Variants in STK3 observed in about 807,000 individuals in gnomAD.
STK3 encodes serine/threonine-protein kinase 3.
Under a neutral mutation model 58.0 loss-of-function variants are expected in STK3, and 41 were observed. The observed-to-expected ratio is 0.71, with a 90% CI of 0.55 to 0.92. The LOEUF (loss-of-function observed/expected upper bound fraction) is 0.92. Ranked by LOEUF, STK3 falls within the 40% of genes least tolerant of loss-of-function variation. STK3 has a pLI of 0.00. For synonymous variants in STK3, 170 were observed against 191.0 expected, an observed-to-expected ratio of 0.89 and a Z score of 0.91; for missense variants, 479 against 602.7, an observed-to-expected ratio of 0.79 and a Z score of 2.15.
chr8:98,493,259 G>T (rs992014368), intron 10 of STK3, among the ~76,000 whole-genome samples: 3 of 149,864 alleles, frequency 2.0e-5, no homozygotes, highest in African/African-American at 2.5e-5. Context: ...ATCATCAAGC[G>T]TTTCATATCT....
At chr8:98,891,950 T>G (rs557371577) in intron 1 of STK3, among the ~76,000 whole-genome samples, 1 of 152,134 alleles carries the variant, frequency 6.6e-6, no homozygotes, top group Non-Finnish European at 1.5e-5. Flanking sequence ...AGTCCTAGCA[T>G]GACAAAAGAC....
chr8:98,345,605 T>G, the STK3 span, among the ~76,000 whole-genome samples: 4 of 151,982 alleles, frequency 2.6e-5, no homozygotes, highest in African/African-American at 9.7e-5. Flanking sequence ...CAGTATCTGA[T>G]GTTCACATAG....
intron 4 of STK3, among the ~76,000 whole-genome samples, chr8:98,712,644 C>T (rs200457444): frequency 1.3e-5 from 2 of 150,462 alleles, no homozygotes; most frequent in South Asian, 4.2e-4. Flanking sequence ...CAAGTCCTGA[C>T]TGACCTACAA....
At chr8:98,920,163 T>C (rs1017472680) in intron 1 of STK3, among the ~76,000 whole-genome samples, 3 of 152,168 alleles carry the variant, frequency 2.0e-5, no homozygotes, top group Non-Finnish European at 4.4e-5. Flanking sequence ...TGAGAGAACT[T>C]CAGAGGAGAG....
chr8:98,657,415 G>C (rs150088763), intron 6 of STK3, among the ~76,000 whole-genome samples: 1 of 152,170 alleles, frequency 6.6e-6, no homozygotes, highest in East Asian at 1.9e-4. Context: ...ATGTTTTCTT[G>C]CTTCTCTGAT....
At chr8:98,407,643 T>C (rs1479636503) in intron 3 of STK3, among the ~76,000 whole-genome samples, 2 of 152,250 alleles carry the variant, frequency 1.3e-5, no homozygotes, top group East Asian at 3.9e-4. Flanking sequence ...GGAAGAGCTG[T>C]CTTCCTCTTA....
At chr8:98,679,673 A>G (rs1253852238) in intron 6 of STK3, among the ~76,000 whole-genome samples, 1 of 152,184 alleles carries the variant, frequency 6.6e-6, no homozygotes, top group East Asian at 1.9e-4. Flanking sequence ...ATATATATCT[A>G]CTGAATAAAT....
In STK3 at chr8:98,598,499, G is replaced by C. The variant is rs1045236376; in HGVS notation, c.685-2330C>G. Reference sequence around the variant, plus strand: ...TATGCCATTTATTTCCATTTTTTAAGGTTAGCTCATCAATAATAGATTTTC... The same window carrying C: ...TATGCCATTTATTTCCATTTTTTAACGTTAGCTCATCAATAATAGATTTTC... On this transcript the variant is annotated intron_variant, in intron 6 of 10. Transcript: ENST00000419617. 111 of 985,306 alleles carry C rather than the reference G, an allele frequency of 1.1e-4. No homozygotes were observed. In the African/African-American group the frequency reaches 1.7e-3, roughly 15 times the overall value. The allele number at this position is 985,306 out of a possible 1,614,324, so 61.0% of individuals were successfully genotyped here.
chr8:98,855,620 A>G (rs141717171), intron 3 of STK3, among the ~76,000 whole-genome samples: 45 of 152,340 alleles, frequency 3.0e-4, no homozygotes, highest in African/African-American at 9.4e-4. Flanking sequence ...CTTAGATATG[A>G]TAACAAAAGC....
chr8:98,447,424 T>C (rs1262428194), intron 1 of STK3, among the ~76,000 whole-genome samples: 1 of 151,878 alleles, frequency 6.6e-6, no homozygotes, highest in African/African-American at 2.4e-5. Flanking sequence ...TGAATTGACT[T>C]CTAATTGGAC....
intron 9 of STK3, among the ~76,000 whole-genome samples, chr8:98,546,878 A>G (rs1810740340): frequency 6.6e-6 from 1 of 152,178 alleles, no homozygotes; most frequent in Non-Finnish European, 1.5e-5. Flanking sequence ...CTCTATCCAA[A>G]GTACATATGC....
At chr8:98,430,878 C>T (rs767526979) in intron 3 of STK3, 12 of 167,070 alleles carry the variant, frequency 7.2e-5, no homozygotes, top group South Asian at 4.1e-4. Flanking sequence ...TGAAGGGAGA[C>T]GACTGTTTCC....
intron 6 of STK3, among the ~76,000 whole-genome samples, chr8:98,637,329 G>T (rs908866551): frequency 6.6e-6 from 1 of 151,956 alleles, no homozygotes; most frequent in Non-Finnish European, 1.5e-5. Flanking sequence ...CTAATTCAAT[G>T]CAGGTCACTT....
intron 6 of STK3, among the ~76,000 whole-genome samples, chr8:98,675,453 TA>T (rs949334725): frequency 8.5e-5 from 13 of 152,094 alleles, no homozygotes; most frequent in Admixed American, 2.6e-4. Flanking sequence ...TGTATGTCTA[TA>T]AAAAAAATGG....
chr8:98,509,808 C>T (rs911257045), intron 10 of STK3, among the ~76,000 whole-genome samples: 1 of 151,902 alleles, frequency 6.6e-6, no homozygotes, highest in Non-Finnish European at 1.5e-5. Flanking sequence ...ATTAAAAATT[C>T]TATTTTTCTA....
chr8:98,397,353 A>G (rs1188716980), downstream of STK3, among the ~76,000 whole-genome samples: 1 of 152,148 alleles, frequency 6.6e-6, no homozygotes, highest in Non-Finnish European at 1.5e-5. Context: ...ACACGGTGAA[A>G]TCCTGTCTCT....
At chr8:98,697,663 T>C (rs867389138) in intron 6 of STK3, among the ~76,000 whole-genome samples, 141 of 152,200 alleles carry the variant, frequency 9.3e-4, no homozygotes, top group African/African-American at 2.5e-3. Flanking sequence ...TGTAGTTGAG[T>C]GGTTTTGAGT....
At chr8:98,696,612 A>G (rs962163523) in intron 6 of STK3, among the ~76,000 whole-genome samples, 1 of 152,222 alleles carries the variant, frequency 6.6e-6, no homozygotes, top group African/African-American at 2.4e-5. Flanking sequence ...CTATTGAGAT[A>G]ATCATGTGGT....
chr8:98,563,016 C>CAA (rs34350283), intron 8 of STK3, among the ~76,000 whole-genome samples: 106 of 127,498 alleles, frequency 8.3e-4, no homozygotes, highest in East Asian at 2.2e-3. Context: ...TAGAATGTGG[C>CAA]AAAAAAAAAA....
Sources: allele counts gnomAD v4.1 joint callset (sites outside exome capture counted in the v4.1 genomes callset), GRCh38; gene constraint gnomAD v4.1.1; transcripts MANE v1.5; gene names NCBI Gene and HGNC (gene_info 2026-07-23, HGNC 2026-07-21).